C1QTNF9: variants seen among roughly 807,000 people sequenced by gnomAD.
The protein encoded by C1QTNF9 is complement C1q and tumor necrosis factor-related protein 9A.
Under a neutral mutation model 10.1 loss-of-function variants are expected in C1QTNF9, and 6 were observed. The observed-to-expected ratio is 0.59, with a 90% CI of 0.32 to 1.17. The LOEUF (loss-of-function observed/expected upper bound fraction) is 1.17, where lower values mean the gene tolerates loss of function less well. C1QTNF9 is among the 50% of genes most tolerant of loss of function. The pLI, the probability that C1QTNF9 is intolerant of heterozygous loss-of-function variation, is 0.04. For synonymous variants in C1QTNF9, 98 were observed against 163.5 expected, an observed-to-expected ratio of 0.60 and a Z score of 3.06; for missense variants, 201 against 418.8, an observed-to-expected ratio of 0.48 and a Z score of 4.54.
intron 1 of C1QTNF9, among the ~76,000 whole-genome samples, chr13:24,314,378 GAA>G (rs758750643): frequency 8.2e-6 from 1 of 121,996 alleles, no homozygotes; most frequent in African/African-American, 3.1e-5. Context: ...TCTCTCCAAA[GAA>G]AAAAAAAAAA....
chr13:24,320,845 C>T (rs1593537304), intron 3 of C1QTNF9, 151 bp from the exon 4 acceptor site: 2 of 647,662 alleles, frequency 3.1e-6, no homozygotes, highest in East Asian at 3.0e-5. Flanking sequence ...GCCACTGCAC[C>T]CAGATGGAGT....
At chr13:24,308,611 C>T (rs1479296428), upstream of C1QTNF9, among the ~76,000 whole-genome samples, 1 of 151,948 alleles carries the variant, frequency 6.6e-6, no homozygotes, top group African/African-American at 2.4e-5. Flanking sequence ...CGAGCTGGGG[C>T]GAGCCCCGCA....
chr13:24,319,100 C>A (rs985001795), intron 3 of C1QTNF9, among the ~76,000 whole-genome samples: 1 of 152,198 alleles, frequency 6.6e-6, no homozygotes, highest in Non-Finnish European at 1.5e-5. Context: ...CACCACTACT[C>A]AACTTCCCCT....
chr13:24,320,878 A>C, intron 3 of C1QTNF9, 118 bp from the exon 4 acceptor site: 1 of 1,004,832 alleles, frequency 1.0e-6, no homozygotes. Flanking sequence ...AACTCTGGGC[A>C]TATACTGAAC....
Position 24,311,302 on chromosome 13 carries a change from G to A in C1QTNF9, c.-23+1686G>A, listed in dbSNP as rs145729415. ...AAAGGACAGATATAGGTAAAGAATC[G>A]GAGAATGAGTCAGAAATAAGTGAAC... On this transcript the variant is annotated intron_variant, in intron 1 of 3. Coordinates refer to ENST00000332018, the Ensembl canonical transcript of C1QTNF9. Among the ~76,000 whole-genome samples, 1,254 of 152,282 alleles carry A rather than the reference G, an allele frequency of 8.2e-3. 6 individuals carry two copies. Among genetic ancestry groups the A allele is most frequent in the Middle Eastern group, 0.017 (5 of 294 alleles).
At chr13:24,312,827 T>C (rs141499489) in intron 1 of C1QTNF9, among the ~76,000 whole-genome samples, 186 of 151,820 alleles carry the variant, frequency 1.2e-3, no homozygotes, top group East Asian at 7.8e-3. Context: ...TGGTAGTGGG[T>C]GCCTGTAGTC....
At chr13:24,321,925 T>A in exon 4 of C1QTNF9, 1 of 1,028,326 alleles carries the variant, frequency 9.7e-7, no homozygotes, top group Non-Finnish European at 1.3e-6. Flanking sequence ...CTGTGTAACT[T>A]ACTATTTTTC....
chr13:24,320,055 C>T (rs778801655), intron 3 of C1QTNF9, among the ~76,000 whole-genome samples: 17 of 152,006 alleles, frequency 1.1e-4, no homozygotes, highest in East Asian at 1.9e-4. Flanking sequence ...GATGAATTGC[C>T]GGTGGGATAG....
intron 1 of C1QTNF9, among the ~76,000 whole-genome samples, chr13:24,314,710 G>A (rs1877963728): frequency 6.6e-6 from 1 of 151,916 alleles, no homozygotes; most frequent in Non-Finnish European, 1.5e-5. Flanking sequence ...CAGGTGTGGT[G>A]GTGCATGCCT....
chr13:24,307,395 G>A (rs189566016), upstream of C1QTNF9, among the ~76,000 whole-genome samples: 3 of 152,228 alleles, frequency 2.0e-5, no homozygotes, highest in Admixed American at 6.5e-5. Flanking sequence ...CCCTCTGACT[G>A]CCCCTGAAGG....
At chr13:24,321,480 G>A (rs140557863) in exon 4 of C1QTNF9, 21 of 1,613,428 alleles carry the variant, frequency 1.3e-5, no homozygotes, top group South Asian at 6.6e-5. Flanking sequence ...ATACAGCAGC[G>A]GGGAAATTCA....
Position 24,317,076 on chromosome 13 carries a change from A to AC in C1QTNF9, c.166+908dup, listed in dbSNP as rs374092582. On this transcript the variant is annotated intron_variant, in intron 2 of 3. Transcript: ENST00000332018. ...TGAAGCCAAGGGTCACCAGGAAGCA[A>AC]CATTCTTTCTAACCACCATCCTGCA... is the stretch of plus-strand genomic sequence containing the variant. Among the ~76,000 whole-genome samples, 339 of 152,334 alleles carry AC rather than the reference A, an allele frequency of 2.2e-3. 3 individuals carry two copies. Among genetic ancestry groups the AC allele is most frequent in the African/African-American group, 7.8e-3 (324 of 41,570 alleles).
At chr13:24,320,998 G>C in exon 4 of C1QTNF9, 1 of 1,586,296 alleles carries the variant, frequency 6.3e-7, no homozygotes. Flanking sequence ...CTATTTAGGA[G>C]CAGATGGAAA....
rs1253696809 is a variant in C1QTNF9, at chr13:24,316,252, C to A, written c.166+83C>A. ...ATTCACTCATCATCTGTGTGATTTT[C>A]CACCTACCCACTCACACCCCATCCA... On this transcript the variant is annotated intron_variant, in intron 2 of 3. Transcript: ENST00000332018. The A allele has an allele frequency of 3.0e-5, 46 of 1,519,112 alleles. 1 individual carries two copies. The highest frequency in any genetic ancestry group is 2.7e-6 in the Non-Finnish European group (3 of 1,112,062). 94.1% of individuals were successfully genotyped at this position (1,519,112 alleles called of 1,614,324 possible).
chr13:24,319,773 G>T (rs1311251367), intron 3 of C1QTNF9, among the ~76,000 whole-genome samples: 3 of 152,118 alleles, frequency 2.0e-5, no homozygotes, highest in Admixed American at 6.5e-5. Context: ...GATGGGTCGG[G>T]ATGTAGTCGT....
At chr13:24,311,263 A>G (rs1289966442) in intron 1 of C1QTNF9, among the ~76,000 whole-genome samples, 1 of 152,258 alleles carries the variant, frequency 6.6e-6, no homozygotes, top group Non-Finnish European at 1.5e-5. Context: ...CCATTTATCA[A>G]GAGATTCTTT....
intron 1 of C1QTNF9, among the ~76,000 whole-genome samples, chr13:24,314,955 C>G (rs1877972446): frequency 1.3e-5 from 2 of 151,686 alleles, no homozygotes; most frequent in South Asian, 4.1e-4. Context: ...AAGACCCTGA[C>G]TCAAAGAACA....
upstream of C1QTNF9, among the ~76,000 whole-genome samples, chr13:24,308,742 T>A (rs1877699069): frequency 6.6e-6 from 1 of 152,046 alleles, no homozygotes; most frequent in Non-Finnish European, 1.5e-5. Context: ...CTGCTCCTGC[T>A]CTTTGCGTGG....
intron 3 of C1QTNF9, among the ~76,000 whole-genome samples, chr13:24,319,591 CA>C (rs1479255409): frequency 6.6e-6 from 1 of 152,062 alleles, no homozygotes; most frequent in Non-Finnish European, 1.5e-5. Flanking sequence ...AACAAAAAAA[CA>C]TGTAAACCAT....
Sources: gnomAD v4.1 joint callset for allele counts (sites outside exome capture counted in the v4.1 genomes callset) on GRCh38, gnomAD v4.1.1 for gene constraint, MANE v1.5 for transcripts, NCBI Gene and HGNC (gene_info 2026-07-23, HGNC 2026-07-21) for gene names.